The following ERC1 variants were observed in gnomAD, a reference collection of about 807,000 sequenced individuals.
ERC1 encodes the protein RAB6 interacting protein 2.
ERC1 carries 56 observed loss-of-function variants against 132.0 expected under a neutral mutation model. The observed-to-expected ratio is 0.42, with a 90% confidence interval of 0.34 to 0.53. The LOEUF (loss-of-function observed/expected upper bound fraction) is 0.53. Ranked by LOEUF, ERC1 falls within the 20% of genes least tolerant of loss-of-function variation. The probability of loss-of-function intolerance (pLI) is 0.03; values close to 1 mark genes in which losing one functional copy is unlikely to be tolerated. For synonymous variants in ERC1, 478 were observed against 476.1 expected (o/e 1.00, Z -0.05); for missense variants, 1,202 against 1,349.9 (o/e 0.89, Z 1.72).
At chr12:1,440,382 A>G (rs2154407832) in intron 17 of ERC1, among the ~76,000 whole-genome samples, 1 of 147,762 alleles carries the variant, frequency 6.8e-6, no homozygotes, top group South Asian at 2.1e-4. Flanking sequence ...TTTTTTTTGT[A>G]TTTTTAGTAG....
chr12:1,237,004 T>C lies in ERC1; in HGVS notation c.2487+100T>C, dbSNP rs1474499605. The C allele has an allele frequency of 4.3e-6, 6 of 1,400,718 alleles. No homozygotes were observed. In the East Asian group the frequency reaches 7.2e-5, roughly 17 times the overall value. 86.8% of individuals were successfully genotyped at this position (1,400,718 alleles called of 1,614,324 possible). ...ATCTTTATCCTCCTCTTTTTTCTCT[T>C]TCTAACCCTGCTTGCTGCCTTCCTC... On this transcript the variant is annotated intron_variant, in intron 13 of 18. Transcript: ENST00000360905.
chr12:990,192 T>C (rs1477996886), upstream of ERC1: 1 of 151,622 alleles, frequency 6.6e-6, no homozygotes, highest in Non-Finnish European at 1.5e-5. Flanking sequence ...TAAGCAGGAG[T>C]AAAATGATGG....
intron 14 of ERC1, among the ~76,000 whole-genome samples, chr12:1,278,746 A>AT (rs2078455230): frequency 6.6e-6 from 1 of 152,192 alleles, no homozygotes; most frequent in Non-Finnish European, 1.5e-5. Context: ...GCTGAATACA[A>AT]TTTTAAAATA....
chr12:1,066,690 A>G (rs568510328), intron 2 of ERC1, among the ~76,000 whole-genome samples: 2 of 152,190 alleles, frequency 1.3e-5, no homozygotes, highest in South Asian at 4.1e-4. Context: ...TAGAAAAATT[A>G]TCCGGGTGTG....
intron 17 of ERC1, among the ~76,000 whole-genome samples, chr12:1,411,612 A>C (rs750052475): frequency 3.5e-4 from 54 of 152,236 alleles, no homozygotes; most frequent in Non-Finnish European, 6.0e-4. Context: ...AGCTGAGAGC[A>C]GTCAATGTGC....
chr12:1,269,893 G>T (rs1214798434), intron 14 of ERC1, among the ~76,000 whole-genome samples: 2 of 152,098 alleles, frequency 1.3e-5, no homozygotes, highest in Non-Finnish European at 2.9e-5. Context: ...ATTCCTCAGA[G>T]GTGAAAAAAC....
intron 1 of ERC1, among the ~76,000 whole-genome samples, chr12:1,006,273 T>C (rs1222023258): frequency 6.6e-6 from 1 of 152,126 alleles, no homozygotes; most frequent in African/African-American, 2.4e-5. Flanking sequence ...ATTACTATTT[T>C]TTGAGACAGA....
chr12:1,072,379 G>A (rs931882315), intron 2 of ERC1, among the ~76,000 whole-genome samples: 4 of 152,100 alleles, frequency 2.6e-5, no homozygotes, highest in Non-Finnish European at 5.9e-5. Context: ...TTTCAAATAC[G>A]AAAACATGAA....
chr12:1,410,439 AT>A, intron 17 of ERC1: 1 of 1,317,086 alleles, frequency 7.6e-7, no homozygotes, highest in Non-Finnish European at 1.0e-6. Flanking sequence ...TAGTTCAGCC[AT>A]TTTGTTCAGA....
rs1565549917 is a variant in ERC1, at chr12:1,492,149, A to G, written c.*1919A>G. On this transcript the variant is annotated 3_prime_UTR_variant, in exon 19 of 19. Coordinates refer to ENST00000360905, the MANE Select transcript of ERC1 (RefSeq NM_178040.4). ...GAGAGGAAACTGTGGAGCGTTTCTT[A>G]TCGAAGGTTAAATGGACTCTGCTCA... is the stretch of plus-strand genomic sequence containing the variant. 2 of 232,708 alleles carry G rather than the reference A, an allele frequency of 8.6e-6. No homozygotes were observed. Among genetic ancestry groups the G allele is most frequent in the East Asian group, 1.2e-4 (2 of 16,542 alleles). The allele number at this position is 232,708 out of a possible 1,614,324, so 14.4% of individuals were successfully genotyped here. A position where few individuals can be genotyped will look rare whatever the true frequency, so the allele number is the denominator to read the frequency against.
intron 18 of ERC1, among the ~76,000 whole-genome samples, chr12:1,482,099 C>T (rs79994312): frequency 6.6e-6 from 1 of 152,128 alleles, no homozygotes; most frequent in Admixed American, 6.6e-5. Context: ...AATGGAATGG[C>T]GGTCTGCTGA....
chr12:1,377,488 T>C (rs2088089194), intron 16 of ERC1, among the ~76,000 whole-genome samples: 1 of 152,256 alleles, frequency 6.6e-6, no homozygotes, highest in Admixed American at 6.5e-5. Flanking sequence ...GATTCAATGC[T>C]CTGTCCACAT....
At position 1,492,767 on chromosome 12, in the gene ERC1, G is replaced by A. The variant is rs1188658143; in HGVS notation, c.*2537G>A. 4.3e-6 allele frequency: 1 copy of A among 232,280 alleles called. No homozygotes were observed. The highest frequency in any genetic ancestry group is 8.5e-6 in the Non-Finnish European group (1 of 117,544). 14.4% of individuals were successfully genotyped at this position (232,280 alleles called of 1,614,324 possible). A position where few individuals can be genotyped will look rare whatever the true frequency, so the allele number is the denominator to read the frequency against. On this transcript the variant is annotated 3_prime_UTR_variant, in exon 19 of 19. Transcript: ENST00000360905. ...TAATAAACGTGGCCTTCGTGCTGTA[G>A]GGCAGAGTGGATGCAGTTTGTAGCT... is the stretch of plus-strand genomic sequence containing the variant.
At chr12:1,127,149 A>G (rs1016490142) in intron 7 of ERC1, among the ~76,000 whole-genome samples, 10 of 152,336 alleles carry the variant, frequency 6.6e-5, no homozygotes, top group African/African-American at 2.2e-4. Context: ...GCAAATTTCA[A>G]AGATGATGAA....
At chr12:1,178,254 C>G (rs1953961395) in intron 8 of ERC1, among the ~76,000 whole-genome samples, 1 of 152,046 alleles carries the variant, frequency 6.6e-6, no homozygotes, top group African/African-American at 2.4e-5. Flanking sequence ...CAATTGGATC[C>G]AGGATTGTTT....
intron 18 of ERC1, among the ~76,000 whole-genome samples, chr12:1,460,882 A>G (rs139189576): frequency 2.5e-4 from 38 of 150,702 alleles, no homozygotes; most frequent in African/African-American, 7.8e-4. Flanking sequence ...GGAAGAAAGG[A>G]GGAATGAAAA....
chr12:1,225,163 A>G (rs61911966), intron 12 of ERC1, among the ~76,000 whole-genome samples: 64,967 of 151,822 alleles, frequency 0.43, 15,626 homozygotes, highest in African/African-American at 0.65. Context: ...GGAGGTAGTC[A>G]TTAGTATGTC....
At chr12:1,200,800 C>T (rs1038887834) in intron 12 of ERC1, among the ~76,000 whole-genome samples, 11 of 152,072 alleles carry the variant, frequency 7.2e-5, no homozygotes, top group Non-Finnish European at 1.3e-4. Flanking sequence ...CCTCGTGATC[C>T]GCCCGCCTCG....
intron 18 of ERC1, among the ~76,000 whole-genome samples, chr12:1,484,096 G>A (rs1369720988): frequency 2.6e-5 from 4 of 151,218 alleles, no homozygotes; most frequent in East Asian, 2.0e-4. Context: ...ACGAGGTCAG[G>A]AGATCAAGAC....
Sources: gnomAD v4.1 joint callset for allele counts (sites outside exome capture counted in the v4.1 genomes callset) on GRCh38, gnomAD v4.1.1 for gene constraint, MANE v1.5 for transcripts, NCBI Gene and HGNC (gene_info 2026-07-23, HGNC 2026-07-21) for gene names.